Variants in AGPAT3 observed in about 807,000 individuals in gnomAD.
AGPAT3 encodes the protein 1-acyl-sn-glycerol-3-phosphate acyltransferase gamma.
AGPAT3 carries 5 observed loss-of-function variants against 47.3 expected under a neutral mutation model. That is an observed-to-expected ratio of 0.11 (90% confidence interval 0.06 to 0.22). The LOEUF (loss-of-function observed/expected upper bound fraction) is 0.22, where lower values mean the gene tolerates loss of function less well. Ranked by LOEUF, AGPAT3 falls within the 10% of genes least tolerant of loss-of-function variation. AGPAT3 has a pLI of 1.00. For missense variants in AGPAT3, 315 were observed against 493.0 expected, an observed-to-expected ratio of 0.64 and a Z score of 3.42; for synonymous variants, 212 against 208.3, an observed-to-expected ratio of 1.02 and a Z score of -0.15.
At chr21:43,948,366 A>G (rs1405990434) in intron 2 of AGPAT3, 2 of 152,228 alleles carry the variant, frequency 1.3e-5, no homozygotes, top group African/African-American at 2.4e-5. Flanking sequence ...GTCTTAGGAA[A>G]GCAAAAGCCT....
chr21:43,913,789 C>T (rs1449507803), intron 2 of AGPAT3, among the ~76,000 whole-genome samples: 2 of 152,038 alleles, frequency 1.3e-5, no homozygotes, highest in East Asian at 1.9e-4. Flanking sequence ...AGGGCACAGC[C>T]GGCCCTGCAG....
At position 43,920,254 on chromosome 21, in the gene AGPAT3, G is replaced by C. The variant is rs2086861666; in HGVS notation, c.-49+16235G>C. On this transcript the variant is annotated intron_variant, in intron 2 of 9. Coordinates refer to ENST00000291572, the MANE Select transcript of AGPAT3 (RefSeq NM_020132.5). The surrounding 1 kb of genome is among the most constrained non-coding windows in gnomAD (Gnocchi z 6.1). ...TTGTGAGTGAGTGTGTGTGTGTAAG[G>C]GTGTGTGTAAAGCGTGAATGTGTCA... 2.0e-5 allele frequency among the ~76,000 whole-genome samples: 3 copies of C among 151,816 alleles called. No individual in the cohort carries two copies. Among genetic ancestry groups the C allele is most frequent in the Non-Finnish European group, 2.9e-5 (2 of 67,956 alleles).
intron 1 of AGPAT3, among the ~76,000 whole-genome samples, chr21:43,869,569 G>C (rs951264310): frequency 6.6e-6 from 1 of 152,186 alleles, no homozygotes; most frequent in South Asian, 2.1e-4. Flanking sequence ...CCCTGCAGAG[G>C]ATGGTGGGGG....
intron 1 of AGPAT3, among the ~76,000 whole-genome samples, chr21:43,888,273 C>T (rs1026557818): frequency 1.3e-5 from 2 of 152,188 alleles, no homozygotes; most frequent in African/African-American, 4.8e-5. Context: ...TTCCTGGGCT[C>T]AAGCAATCCT....
rs780913070 is a variant in AGPAT3, at chr21:43,970,258, G to A, written c.511-395G>A. ...CCTGACCTCATGATCCACCCGCCTCGGCCTCCTAAAGTGCTGGGATTACAG... is the reference window on the plus strand; with the variant it reads ...CCTGACCTCATGATCCACCCGCCTCAGCCTCCTAAAGTGCTGGGATTACAG... On this transcript the variant is annotated intron_variant, in intron 5 of 9. Coordinates refer to ENST00000291572, the MANE Select transcript of AGPAT3 (RefSeq NM_020132.5). The surrounding 1 kb of genome is among the most constrained non-coding windows in gnomAD (Gnocchi z 5.8). 6.6e-4 allele frequency among the ~76,000 whole-genome samples: 101 copies of A among 152,130 alleles called. No individual in the cohort carries two copies. The highest frequency in any genetic ancestry group is 2.8e-3 in the Admixed American group (42 of 15,270).
chr21:43,957,831 C>G (rs979121327), intron 2 of AGPAT3, among the ~76,000 whole-genome samples: 2 of 152,222 alleles, frequency 1.3e-5, no homozygotes, highest in Non-Finnish European at 2.9e-5. Context: ...TCGGGTTTCC[C>G]CCTCCACACG....
intron 6 of AGPAT3, among the ~76,000 whole-genome samples, 185 bp from the exon 7 acceptor site, chr21:43,971,203 G>GA (rs1292564279): frequency 6.6e-6 from 1 of 152,110 alleles, no homozygotes; most frequent in African/African-American, 2.4e-5. Context: ...AGAGAATGGG[G>GA]AAAAAAGAGG....
At position 43,896,418 on chromosome 21, in the gene AGPAT3, G is replaced by A. The variant is rs1189226678; in HGVS notation, c.-111-7539G>A. On this transcript the variant is annotated intron_variant, in intron 1 of 9. Transcript: ENST00000291572. ...TTTGAACAGATTCTGTTCTGCAGTG[G>A]TAGGGGCAGCATTGTGTGTAGATTG... 3.3e-5 allele frequency among the ~76,000 whole-genome samples: 5 copies of A among 152,340 alleles called. No individual in the cohort carries two copies. In the East Asian group the frequency reaches 9.6e-4, roughly 29 times the overall value.
intron 2 of AGPAT3, among the ~76,000 whole-genome samples, chr21:43,905,020 A>G (rs902532014): frequency 6.6e-6 from 1 of 152,118 alleles, no homozygotes; most frequent in Admixed American, 6.5e-5. Context: ...AGTGACCAAC[A>G]CCAAGCTCGG....
chr21:43,888,728 C>A (rs1008974731), intron 1 of AGPAT3, among the ~76,000 whole-genome samples: 1 of 152,204 alleles, frequency 6.6e-6, no homozygotes, highest in African/African-American at 2.4e-5. Context: ...AGGTGCTTCA[C>A]GCCTGTAATC....
At chr21:43,948,726 G>A (rs187589936) in intron 2 of AGPAT3, among the ~76,000 whole-genome samples, 20 of 152,192 alleles carry the variant, frequency 1.3e-4, no homozygotes, top group African/African-American at 3.4e-4. Flanking sequence ...ACCTAGCAGC[G>A]GTTTTAATTT....
intron 1 of AGPAT3, among the ~76,000 whole-genome samples, chr21:43,866,213 C>T (rs1447453763): frequency 7.3e-6 from 1 of 136,136 alleles, no homozygotes; most frequent in Non-Finnish European, 1.6e-5. Flanking sequence ...AAAAAAAAAG[C>T]ACAATTTTAA....
chr21:43,888,365 G>A (rs577343251), intron 1 of AGPAT3, among the ~76,000 whole-genome samples: 1 of 150,072 alleles, frequency 6.7e-6, no homozygotes, highest in African/African-American at 2.5e-5. Flanking sequence ...ACATTTGTAA[G>A]GCTTTACTCC....
chr21:43,947,605 A>G (rs1023729119), intron 2 of AGPAT3, among the ~76,000 whole-genome samples: 7 of 151,868 alleles, frequency 4.6e-5, no homozygotes, highest in African/African-American at 1.5e-4. Context: ...CTCTTTCAGG[A>G]GTGACGTTGT....
rs2087380079 is a variant in AGPAT3 at position 43,934,842 on chromosome 21, C to T, written c.-48-24792C>T. Among the ~76,000 whole-genome samples the T allele has an allele frequency of 1.3e-5, 2 of 150,954 alleles. No homozygotes were observed. Among genetic ancestry groups the T allele is most frequent in the South Asian group, 2.1e-4 (1 of 4,748 alleles). On this transcript the variant is annotated intron_variant, in intron 2 of 9. Coordinates refer to ENST00000291572, the MANE Select transcript of AGPAT3 (RefSeq NM_020132.5). This position sits in a 1 kb window ranked among gnomAD's most constrained non-coding sequence, Gnocchi z 4.7. The stretch of plus-strand genomic sequence containing the variant: ...ACCTCTACCCCTCACGTCACCGACG[C>T]CACTCACATGCCACTCACATGCCAT...
rs1348548158 is a variant in AGPAT3, at chr21:43,933,021, C to G, written c.-48-26613C>G. 6.6e-6 allele frequency among the ~76,000 whole-genome samples: 1 copy of G among 152,220 alleles called. No individual in the cohort carries two copies. Among genetic ancestry groups the G allele is most frequent in the Non-Finnish European group, 1.5e-5 (1 of 68,038 alleles). On this transcript the variant is annotated intron_variant, in intron 2 of 9. Transcript: ENST00000291572. The surrounding 1 kb of genome is among the most constrained non-coding windows in gnomAD (Gnocchi z 6.0). The stretch of plus-strand genomic sequence containing the variant: ...TAGTGGCCACACTGATTGACGCTCT[C>G]TCTCCCTCACAGCGTGCCAGGTGCC...
intron 8 of AGPAT3, among the ~76,000 whole-genome samples, chr21:43,979,540 A>G (rs2089766260): frequency 1.3e-5 from 2 of 152,134 alleles, no homozygotes; most frequent in African/African-American, 4.8e-5. Context: ...AAAACCCCAC[A>G]TGATGCTGGG....
intron 1 of AGPAT3, among the ~76,000 whole-genome samples, chr21:43,900,533 G>A (rs1047714152): frequency 6.6e-6 from 1 of 152,120 alleles, no homozygotes. Flanking sequence ...TGGAGTTAAG[G>A]GGCTCCAGGA....
chr21:43,977,957 C>T, intron 7 of AGPAT3, 89 bp from the exon 8 acceptor site: 1 of 1,052,500 alleles, frequency 9.5e-7, no homozygotes, highest in Non-Finnish European at 1.4e-6. Flanking sequence ...CATAGGCCAC[C>T]CTGGCACACG....
Sources: allele counts gnomAD v4.1 joint callset (sites outside exome capture counted in the v4.1 genomes callset), GRCh38; gene constraint gnomAD v4.1.1; non-coding constraint Gnocchi (gnomAD v3.1); transcripts MANE v1.5; gene names NCBI Gene and HGNC (gene_info 2026-07-23, HGNC 2026-07-21).